KIAA1217: variants seen among roughly 807,000 people sequenced by gnomAD.
KIAA1217 encodes sickle tail protein homolog.
Under a neutral mutation model 163.9 loss-of-function variants are expected in KIAA1217, and 88 were observed. That is an observed-to-expected ratio of 0.54 (90% CI 0.45 to 0.64). The LOEUF is 0.64. KIAA1217 is among the 30% of genes least tolerant of loss of function. KIAA1217 has a pLI of 0.00. For synonymous variants in KIAA1217, 903 were observed against 923.1 expected (o/e 0.98, Z 0.39); for missense variants, 2,372 against 2,475.0 (o/e 0.96, Z 0.88).
At chr10:24,521,640 T>A in intron 11 of KIAA1217, 142 bp from the exon 12 acceptor site, 1 of 968,468 alleles carries the variant, frequency 1.0e-6, no homozygotes, top group East Asian at 2.4e-5. Context: ...CTCTGTGCTC[T>A]TAACCCACTG....
chr10:23,912,115 G>A (rs1842458131), intron 1 of KIAA1217, among the ~76,000 whole-genome samples: 1 of 152,026 alleles, frequency 6.6e-6, no homozygotes, highest in Admixed American at 6.6e-5. Context: ...CAGTTTTGAG[G>A]AGAACTTTAA....
intron 5 of KIAA1217, among the ~76,000 whole-genome samples, chr10:24,464,058 T>G (rs2062697478): frequency 6.6e-6 from 1 of 152,194 alleles, no homozygotes; most frequent in African/African-American, 2.4e-5. Flanking sequence ...AGAATGTGCC[T>G]TCCACTGAGA....
chr10:24,007,294 C>T (rs991977498), exon 2 of KIAA1217: 2 of 152,120 alleles, frequency 1.3e-5, no homozygotes, highest in Non-Finnish European at 2.9e-5. Flanking sequence ...GAACCACAGC[C>T]CAGAGCCCCT....
At chr10:23,726,176 C>A (rs1304262588) in intron 1 of KIAA1217, among the ~76,000 whole-genome samples, 1 of 151,954 alleles carries the variant, frequency 6.6e-6, no homozygotes, top group Non-Finnish European at 1.5e-5. Flanking sequence ...GTTTTAAATT[C>A]ATCTTTTTAC....
chr10:23,982,530 TCTCTCTC>T (rs1845812580), intron 1 of KIAA1217, among the ~76,000 whole-genome samples: 1 of 9,810 alleles, frequency 1.0e-4, no homozygotes, highest in Non-Finnish European at 2.0e-4. Flanking sequence ...GTTTTTTGTT[TCTCTCTC>T]TCTCTCTCTC....
At chr10:23,764,325 G>A (rs1834407346) in intron 1 of KIAA1217, among the ~76,000 whole-genome samples, 1 of 152,138 alleles carries the variant, frequency 6.6e-6, no homozygotes, top group Non-Finnish European at 1.5e-5. Context: ...CGAGGCTCTG[G>A]AGAAATAGGA....
intron 2 of KIAA1217, among the ~76,000 whole-genome samples, chr10:24,072,570 G>A (rs184528058): frequency 5.9e-5 from 9 of 152,252 alleles, no homozygotes; most frequent in Admixed American, 3.3e-4. Flanking sequence ...CCATGGAGGG[G>A]CAGTGTGTGT....
intron 2 of KIAA1217, among the ~76,000 whole-genome samples, chr10:24,130,653 A>G (rs2063620682): frequency 6.6e-6 from 1 of 152,230 alleles, no homozygotes; most frequent in Admixed American, 6.5e-5. Flanking sequence ...CAGATGTATT[A>G]TTCAGCTGCT....
chr10:24,395,765 G>A (rs2055646694), intron 3 of KIAA1217, among the ~76,000 whole-genome samples: 5 of 151,982 alleles, frequency 3.3e-5, no homozygotes, highest in Non-Finnish European at 7.4e-5. Flanking sequence ...CAATCTCCTG[G>A]GCTCAAGCAA....
intron 2 of KIAA1217, among the ~76,000 whole-genome samples, chr10:24,289,790 C>A (rs1590646256): frequency 6.6e-6 from 1 of 152,098 alleles, no homozygotes; most frequent in Middle Eastern, 3.4e-3. Context: ...GATGCTGGGA[C>A]CCCCTGGGAT....
At chr10:24,292,636 C>T (rs529869201) in intron 2 of KIAA1217, among the ~76,000 whole-genome samples, 3 of 152,152 alleles carry the variant, frequency 2.0e-5, no homozygotes, top group Non-Finnish European at 4.4e-5. Context: ...TATGGAATTA[C>T]ATTTATAGCT....
chr10:24,333,026 G>A (rs554042687), intron 2 of KIAA1217, among the ~76,000 whole-genome samples: 1 of 152,202 alleles, frequency 6.6e-6, no homozygotes, highest in Non-Finnish European at 1.5e-5. Flanking sequence ...TTTTGTGTGT[G>A]TGTGTTATTT....
In KIAA1217 at chr10:24,524,327, G is replaced by A; in HGVS notation, c.2461G>A (p.Val821Ile). 3 of 1,608,452 alleles carry A rather than the reference G, an allele frequency of 1.9e-6. No homozygotes were observed. The highest frequency in any genetic ancestry group is 2.6e-6 in the Non-Finnish European group (3 of 1,175,380). ...GCTGTGCATGGTTTCTCCTAGACAT[G>A]TCACTGATGGGCTCCTGAAAGGCAC... ...TDVLTMLRRH[V>I]TDGLLKGTDA... The change falls in exon 13 of 21, where the codon GTC becomes ATC. Residue 821 changes from valine to isoleucine, a missense_variant. Val to Ile is a conservative substitution (Grantham distance 29). Coordinates refer to ENST00000376454, the MANE Select transcript of KIAA1217 (RefSeq NM_019590.5).
At chr10:23,751,738 T>C (rs908606025) in intron 1 of KIAA1217, among the ~76,000 whole-genome samples, 1 of 152,204 alleles carries the variant, frequency 6.6e-6, no homozygotes, top group African/African-American at 2.4e-5. Flanking sequence ...AGTTTTTTCT[T>C]CCTGGTTTTC....
chr10:24,482,532 A>C (rs2064849900), intron 6 of KIAA1217: 1 of 152,242 alleles, frequency 6.6e-6, no homozygotes, highest in African/African-American at 2.4e-5. Context: ...TGATAATCCT[A>C]GACTCTGTTG....
Position 24,384,915 on chromosome 10 carries a change from G to A in KIAA1217, c.553+3848G>A, listed in dbSNP as rs1232303694. ...GGAGACCCTTAAATTTTGCACTGGAGGTATGCGTCTTGTTGACCTCACCCC... is the reference window on the plus strand; with the variant it reads ...GGAGACCCTTAAATTTTGCACTGGAAGTATGCGTCTTGTTGACCTCACCCC... On this transcript the variant is annotated intron_variant, in intron 3 of 20. Transcript: ENST00000376454. Among the ~76,000 whole-genome samples the A allele has an allele frequency of 2.6e-5, 4 of 152,332 alleles. No individual in the cohort carries two copies. In the South Asian group the frequency reaches 6.2e-4, roughly 24 times the overall value.
intron 1 of KIAA1217, among the ~76,000 whole-genome samples, chr10:23,704,134 A>ATGTG (rs1234936615): frequency 2.2e-5 from 2 of 93,012 alleles, no homozygotes; most frequent in African/African-American, 5.2e-5. Flanking sequence ...ATATGCATGT[A>ATGTG]TGTGTGTGTG....
chr10:23,997,086 C>T (rs1195478797), intron 1 of KIAA1217, among the ~76,000 whole-genome samples: 1 of 152,206 alleles, frequency 6.6e-6, no homozygotes, highest in Non-Finnish European at 1.5e-5. Flanking sequence ...ATTCCCAAGT[C>T]TCTTCTATGA....
chr10:24,314,245 T>TA lies in KIAA1217; in HGVS notation c.355-66621dup, dbSNP rs530758086. ...GTAGCTCTGTTTACATATTACAAAATAAATAGAACCAACCACATGTCTTTG... is the reference window on the plus strand; with the variant it reads ...GTAGCTCTGTTTACATATTACAAAATAAAATAGAACCAACCACATGTCTTTG... On this transcript the variant is annotated intron_variant, in intron 2 of 20. Transcript: ENST00000376454. Among the ~76,000 whole-genome samples, 13 of 152,296 alleles carry TA rather than the reference T, an allele frequency of 8.5e-5. No individual in the cohort carries two copies. In the South Asian group the frequency reaches 2.7e-3, roughly 32 times the overall value.
Sources: gnomAD v4.1 joint callset for allele counts (sites outside exome capture counted in the v4.1 genomes callset) on GRCh38, gnomAD v4.1.1 for gene constraint, MANE v1.5 for transcripts, NCBI Gene and HGNC (gene_info 2026-07-23, HGNC 2026-07-21) for gene names.